RORA: variants seen among roughly 807,000 people sequenced by gnomAD.
RORA encodes the protein RAR related orphan receptor A.
RORA carries 7 observed loss-of-function variants against 69.5 expected under a neutral mutation model. The observed-to-expected ratio is 0.10, with a 90% CI of 0.06 to 0.19. The LOEUF is 0.19. Among genes scored for constraint, RORA ranks in the 10% least tolerant of loss-of-function variants. The probability of loss-of-function intolerance (pLI) is 1.00; values close to 1 mark genes in which losing one functional copy is unlikely to be tolerated. For missense variants in RORA, 457 were observed against 663.0 expected, an observed-to-expected ratio of 0.69 and a Z score of 3.41; for synonymous variants, 261 against 240.8, an observed-to-expected ratio of 1.08 and a Z score of -0.78.
chr15:61,187,608 G>A (rs998174189), intron 1 of RORA, among the ~76,000 whole-genome samples: 36 of 152,202 alleles, frequency 2.4e-4, no homozygotes, highest in African/African-American at 7.7e-4. Flanking sequence ...CTACTTTGCT[G>A]AGAATTAGTC....
intron 1 of RORA, among the ~76,000 whole-genome samples, chr15:61,102,074 T>C (rs925499167): frequency 1.3e-5 from 2 of 152,142 alleles, no homozygotes; most frequent in Non-Finnish European, 2.9e-5. Flanking sequence ...ATCCTAGTTC[T>C]GGCACAAGCT....
chr15:60,666,552 T>C (rs1368477476), intron 2 of RORA, among the ~76,000 whole-genome samples: 1 of 152,102 alleles, frequency 6.6e-6, no homozygotes, highest in Non-Finnish European at 1.5e-5. Flanking sequence ...ATACATTTTA[T>C]ACTGTCACCT....
chr15:60,878,275 C>T (rs1567222835), intron 1 of RORA, among the ~76,000 whole-genome samples: 1 of 128,758 alleles, frequency 7.8e-6, no homozygotes, highest in Non-Finnish European at 1.6e-5. Flanking sequence ...ACCTGGGAGG[C>T]GGAGCTTGCA....
intron 9 of RORA, 93 bp from the exon 10 acceptor site, chr15:60,500,097 A>G: frequency 1.3e-6 from 1 of 751,512 alleles, no homozygotes; most frequent in Non-Finnish European, 2.2e-6. Flanking sequence ...TAATTATATC[A>G]CAATGAATAT....
intron 1 of RORA, among the ~76,000 whole-genome samples, chr15:60,957,840 C>T (rs1893313089): frequency 6.6e-6 from 1 of 152,176 alleles, no homozygotes; most frequent in South Asian, 2.1e-4. Flanking sequence ...AATATAAATA[C>T]TTGGTCCCCA....
At chr15:61,146,238 T>C (rs1297886747) in intron 1 of RORA, among the ~76,000 whole-genome samples, 1 of 152,206 alleles carries the variant, frequency 6.6e-6, no homozygotes, top group Non-Finnish European at 1.5e-5. Context: ...CCACTGACAC[T>C]GTTTATCACT....
chr15:60,851,405 G>T (rs1051029234), intron 1 of RORA, among the ~76,000 whole-genome samples: 2 of 152,130 alleles, frequency 1.3e-5, no homozygotes, highest in East Asian at 3.9e-4. Context: ...GGGTGTGAGC[G>T]TGAAAGGCCT....
chr15:61,128,838 G>T lies in RORA; in HGVS notation c.166+100215C>A, dbSNP rs913047400. Among the ~76,000 whole-genome samples, 1 of 152,156 alleles carries T rather than the reference G, an allele frequency of 6.6e-6. No homozygotes were observed. The highest frequency in any genetic ancestry group is 1.5e-5 in the Non-Finnish European group (1 of 68,032). On this transcript the variant is annotated intron_variant, in intron 1 of 10. Transcript: ENST00000335670. This position sits in a 1 kb window ranked among gnomAD's most constrained non-coding sequence, Gnocchi z 4.5. ...TGCTAAGCAAAGTCAATCAGCACACGATGGCCCCAGGAATGAGAGCAACCA... is the reference window on the plus strand; with the variant it reads ...TGCTAAGCAAAGTCAATCAGCACACTATGGCCCCAGGAATGAGAGCAACCA...
At chr15:60,909,799 G>A (rs899967243) in intron 1 of RORA, among the ~76,000 whole-genome samples, 1 of 152,222 alleles carries the variant, frequency 6.6e-6, no homozygotes, top group Admixed American at 6.5e-5. Flanking sequence ...AGTGGGACTG[G>A]AGTGAAAGGC....
At chr15:60,715,401 G>A (rs1383604664) in intron 1 of RORA, among the ~76,000 whole-genome samples, 1 of 152,192 alleles carries the variant, frequency 6.6e-6, no homozygotes, top group Non-Finnish European at 1.5e-5. Flanking sequence ...CTTCCAAAGT[G>A]TCCCAGCGAC....
At chr15:61,030,201 G>A (rs1896081402) in intron 1 of RORA, among the ~76,000 whole-genome samples, 1 of 152,160 alleles carries the variant, frequency 6.6e-6, no homozygotes. Context: ...TGTAATAGGT[G>A]ATTCTGAACT....
intron 2 of RORA, among the ~76,000 whole-genome samples, chr15:60,572,245 T>C (rs2067904277): frequency 6.6e-6 from 1 of 152,226 alleles, no homozygotes; most frequent in African/African-American, 2.4e-5. Context: ...GATGTGGTCC[T>C]GCATTTCACA....
intron 1 of RORA, among the ~76,000 whole-genome samples, chr15:60,699,892 T>G (rs886973404): frequency 6.6e-6 from 1 of 152,106 alleles, no homozygotes; most frequent in Non-Finnish European, 1.5e-5. Flanking sequence ...TTGTTTAGAT[T>G]AGGATTATAT....
chr15:60,561,145 G>A (rs1310465466), intron 2 of RORA, among the ~76,000 whole-genome samples: 1 of 149,402 alleles, frequency 6.7e-6, no homozygotes, highest in African/African-American at 2.5e-5. Context: ...GCAGTGGCGC[G>A]ATCTCGGCTC....
intron 1 of RORA, among the ~76,000 whole-genome samples, chr15:61,029,598 G>A (rs781389384): frequency 1.3e-5 from 2 of 152,172 alleles, no homozygotes; most frequent in Non-Finnish European, 2.9e-5. Flanking sequence ...CAAAGGTGGA[G>A]GTAGCATGGA....
intron 1 of RORA, among the ~76,000 whole-genome samples, chr15:61,159,750 G>T (rs150225530): frequency 6.0e-4 from 92 of 152,306 alleles, no homozygotes; most frequent in African/African-American, 2.1e-3. Context: ...CATTATGTAT[G>T]TTTTACCAGT....
At chr15:61,112,472 C>G (rs899189974) in intron 1 of RORA, among the ~76,000 whole-genome samples, 2 of 151,984 alleles carry the variant, frequency 1.3e-5, no homozygotes, top group African/African-American at 2.4e-5. Flanking sequence ...TGAGCAAAGC[C>G]TAACAGGATG....
chr15:61,216,993 G>C (rs1040748029), intron 1 of RORA, among the ~76,000 whole-genome samples: 2 of 152,116 alleles, frequency 1.3e-5, no homozygotes, highest in Admixed American at 6.5e-5. Flanking sequence ...CAATTGAGGG[G>C]ATCAGTGGAT....
At chr15:60,522,432 C>G (rs1007022751) in intron 3 of RORA, among the ~76,000 whole-genome samples, 3 of 151,950 alleles carry the variant, frequency 2.0e-5, no homozygotes, top group African/African-American at 7.3e-5. Context: ...AGTGATGGCC[C>G]AATGCAGTGG....
Sources: allele counts gnomAD v4.1 joint callset (sites outside exome capture counted in the v4.1 genomes callset), GRCh38; gene constraint gnomAD v4.1.1; non-coding constraint Gnocchi (gnomAD v3.1); transcripts MANE v1.5; gene names NCBI Gene and HGNC (gene_info 2026-07-23, HGNC 2026-07-21).